Variants in UGT2A1 observed in about 807,000 individuals in gnomAD.
UGT2A1 encodes UDP glucuronosyltransferase family 2 member A1 complex locus.
Under a neutral mutation model 45.4 loss-of-function variants are expected in UGT2A1, and 61 were observed. The observed-to-expected ratio is 1.34, with a 90% CI of 1.09 to 1.66. The LOEUF is 1.66. Ranked by LOEUF, UGT2A1 falls within the 40% of genes most tolerant of loss-of-function variation. The probability of loss-of-function intolerance (pLI) is 0.00; values close to 1 mark genes in which losing one functional copy is unlikely to be tolerated. For missense variants in UGT2A1, 649 were observed against 574.3 expected (o/e 1.13, Z -1.33); for synonymous variants, 229 against 196.2 (o/e 1.17, Z -1.40).
intron 6 of UGT2A1, 34 bp from the exon 7 acceptor site, chr4:69,589,685 AT>A: frequency 1.9e-6 from 3 of 1,563,454 alleles, no homozygotes; most frequent in Non-Finnish European, 2.6e-6. Flanking sequence ...AAATTAGACA[AT>A]TTTTGTTTTT....
intron 3 of UGT2A1, among the ~76,000 whole-genome samples, chr4:69,630,743 C>T (rs938367532): frequency 1.6e-4 from 25 of 152,160 alleles, no homozygotes; most frequent in South Asian, 6.2e-4. Context: ...ATTATGTTAG[C>T]GAACTGGTAT....
At chr4:69,639,521 G>T (rs984427012) in intron 2 of UGT2A1, 54 of 1,613,166 alleles carry the variant, frequency 3.3e-5, no homozygotes, top group Non-Finnish European at 4.6e-5. Context: ...TTAACCAATG[G>T]CTACCATCTG....
At chr4:69,629,520 T>G (rs1188647528) in intron 3 of UGT2A1, among the ~76,000 whole-genome samples, 1 of 152,082 alleles carries the variant, frequency 6.6e-6, no homozygotes, top group Non-Finnish European at 1.5e-5. Flanking sequence ...GTTTTTGCTC[T>G]GAGGGTCTGG....
chr4:69,593,971 T>C (rs1409534271), intron 6 of UGT2A1, among the ~76,000 whole-genome samples: 1 of 103,662 alleles, frequency 9.6e-6, no homozygotes, highest in Non-Finnish European at 2.1e-5. Flanking sequence ...TGAAGTCTTT[T>C]TTTTTGTTTG....
intron 2 of UGT2A1, chr4:69,639,444 G>A (rs28404221): frequency 0.033 from 53,976 of 1,612,976 alleles, 1,098 homozygotes; most frequent in East Asian, 0.066. Flanking sequence ...GAATAGAGTT[G>A]CTGATGAAGC....
chr4:69,596,318 T>C (rs1694471028), intron 4 of UGT2A1: 3 of 1,609,034 alleles, frequency 1.9e-6, no homozygotes, highest in Non-Finnish European at 2.5e-6. Flanking sequence ...TTTTTGACCA[T>C]TGATCCCAGA....
At chr4:69,642,154 A>G (rs2109973600) in intron 2 of UGT2A1, among the ~76,000 whole-genome samples, 1 of 151,976 alleles carries the variant, frequency 6.6e-6, no homozygotes, top group Admixed American at 6.6e-5. Flanking sequence ...TCAAGATTAT[A>G]TCCACACAAA....
intron 1 of UGT2A1, among the ~76,000 whole-genome samples, chr4:69,648,203 T>G (rs544932775): frequency 1.5e-4 from 23 of 149,518 alleles, no homozygotes; most frequent in African/African-American, 5.6e-4. Context: ...ATTTATAAAT[T>G]CAAATATTTA....
At chr4:69,598,099 T>C (rs1442694383) in intron 4 of UGT2A1, among the ~76,000 whole-genome samples, 1 of 152,166 alleles carries the variant, frequency 6.6e-6, no homozygotes, top group Non-Finnish European at 1.5e-5. Context: ...TCTGTGTCTT[T>C]ATTTAGATAT....
intron 3 of UGT2A1, among the ~76,000 whole-genome samples, chr4:69,610,943 G>C (rs964530687): frequency 6.6e-6 from 1 of 152,112 alleles, no homozygotes. Context: ...CCTTTGGTTT[G>C]TTAGTTCACA....
At chr4:69,615,768 G>A (rs1286187677) in intron 3 of UGT2A1, among the ~76,000 whole-genome samples, 1 of 151,988 alleles carries the variant, frequency 6.6e-6, no homozygotes, top group Non-Finnish European at 1.5e-5. Context: ...ACAAATGCTG[G>A]TGAGGATATG....
chr4:69,611,848 T>A (rs942943526), intron 3 of UGT2A1, among the ~76,000 whole-genome samples: 2 of 152,282 alleles, frequency 1.3e-5, no homozygotes, highest in Admixed American at 1.3e-4. Context: ...GAAAGCCTAA[T>A]GGATTGCCCT....
chr4:69,615,527 G>T (rs1351707688), intron 3 of UGT2A1, among the ~76,000 whole-genome samples: 2 of 151,990 alleles, frequency 1.3e-5, no homozygotes, highest in South Asian at 2.1e-4. Context: ...AATTCAAAAA[G>T]AAAAGAATGA....
chr4:69,621,227 G>A (rs1474053759), intron 3 of UGT2A1, among the ~76,000 whole-genome samples: 1 of 151,994 alleles, frequency 6.6e-6, no homozygotes, highest in African/African-American at 2.4e-5. Flanking sequence ...CAGAATGAGA[G>A]AAAATATTTG....
intron 3 of UGT2A1, among the ~76,000 whole-genome samples, chr4:69,619,993 T>C (rs1372401388): frequency 1.3e-5 from 2 of 151,860 alleles, no homozygotes; most frequent in Non-Finnish European, 2.9e-5. Context: ...CTCAAAATAA[T>C]AAGAGACATA....
intron 3 of UGT2A1, among the ~76,000 whole-genome samples, chr4:69,614,763 G>A (rs1003238558): frequency 6.6e-6 from 1 of 151,998 alleles, no homozygotes; most frequent in Non-Finnish European, 1.5e-5. Context: ...GTATCTATAT[G>A]TAGAACAATG....
chr4:69,593,882 A>G (rs1718731902), intron 6 of UGT2A1, among the ~76,000 whole-genome samples: 1 of 151,776 alleles, frequency 6.6e-6, no homozygotes, highest in Non-Finnish European at 1.5e-5. Flanking sequence ...AGTTTATAAT[A>G]TTAAGCAGAT....
chr4:69,638,490 C>G (rs1196835625), intron 2 of UGT2A1, among the ~76,000 whole-genome samples: 2 of 152,064 alleles, frequency 1.3e-5, no homozygotes, highest in Non-Finnish European at 2.9e-5. Flanking sequence ...TGATTCTATG[C>G]TTTTCAAAGC....
chr4:69,616,376 G>A (rs1006606860), intron 3 of UGT2A1, among the ~76,000 whole-genome samples: 3 of 151,880 alleles, frequency 2.0e-5, no homozygotes, highest in Non-Finnish European at 2.9e-5. Context: ...ACTAAGAGTG[G>A]AATTGGAATT....
Sources: allele counts gnomAD v4.1 joint callset (sites outside exome capture counted in the v4.1 genomes callset), GRCh38; gene constraint gnomAD v4.1.1; transcripts MANE v1.5; gene names NCBI Gene and HGNC (gene_info 2026-07-23, HGNC 2026-07-21).